Variants in NDFIP1 observed in about 807,000 individuals in gnomAD.
The protein encoded by NDFIP1 is NEDD4 family-interacting protein 1.
Under a neutral mutation model 28.8 loss-of-function variants are expected in NDFIP1, and 7 were observed. The observed-to-expected ratio is 0.24, with a 90% CI of 0.14 to 0.46. NDFIP1 has a LOEUF of 0.46. NDFIP1 is among the 20% of genes least tolerant of loss of function. The probability of loss-of-function intolerance (pLI) is 0.99; values close to 1 mark genes in which losing one functional copy is unlikely to be tolerated. For synonymous variants in NDFIP1, 92 were observed against 101.0 expected (o/e 0.91, Z 0.53); for missense variants, 194 against 269.1 (o/e 0.72, Z 1.95).
chr5:142,149,474 T>C (rs143569944), intron 7 of NDFIP1, among the ~76,000 whole-genome samples: 29 of 145,044 alleles, frequency 2.0e-4, no homozygotes, highest in Non-Finnish European at 1.1e-4. Context: ...ATCTGATCTA[T>C]AATTTAGTAA....
chr5:142,109,175 G>T (rs889292339), intron 1 of NDFIP1, 138 bp downstream of exon 1: 20 of 769,674 alleles, frequency 2.6e-5, no homozygotes, highest in Non-Finnish European at 3.5e-5. Context: ...TGGAGGGGCG[G>T]GTCGGGCCCC....
rs149477556 is a variant in NDFIP1, at chr5:142,140,577, C to T, written c.510C>T (p.Phe170=). The T allele has an allele frequency of 6.6e-4, 1,056 of 1,611,074 alleles. 11 individuals carry two copies. In the Middle Eastern group the frequency reaches 8.7e-3, roughly 13 times the overall value. Residue 170 remains phenylalanine (F), a synonymous_variant, in exon 6 of 8, where the codon TTC becomes TTT. Transcript: ENST00000253814. Reference sequence around the variant, plus strand: ...TTATTTTTTAGTTTTCCACCTATTTCCCTGGATATTTTGATGGTCAGTACT... The same window carrying T: ...TTATTTTTTAGTTTTCCACCTATTTTCCTGGATATTTTGATGGTCAGTACT... ...WILIVRFSTY[F]PGYFDGQYWL... is the part of the protein sequence containing the mutation.
At chr5:142,117,902 CT>C (rs1412674783) in intron 1 of NDFIP1, among the ~76,000 whole-genome samples, 1 of 151,880 alleles carries the variant, frequency 6.6e-6, no homozygotes, top group Non-Finnish European at 1.5e-5. Flanking sequence ...CTTTTTGGAA[CT>C]TTTTTCCCCC....
chr5:142,149,886 A>G (rs1757426936), intron 7 of NDFIP1, among the ~76,000 whole-genome samples: 1 of 152,148 alleles, frequency 6.6e-6, no homozygotes, highest in Admixed American at 6.5e-5. Flanking sequence ...GTTTTCATCT[A>G]TTAAAAGAAA....
chr5:142,137,070 C>CAA (rs56227585), intron 4 of NDFIP1, among the ~76,000 whole-genome samples: 33 of 94,904 alleles, frequency 3.5e-4, no homozygotes, highest in South Asian at 1.1e-3. Context: ...GACTCAGTCT[C>CAA]AAAAAAAAAA....
At chr5:142,142,997 A>G (rs1363447033) in intron 6 of NDFIP1, 1 of 142,634 alleles carries the variant, frequency 7.0e-6, no homozygotes, top group Non-Finnish European at 1.5e-5. Flanking sequence ...ACTTATGAGC[A>G]TTTGTGCCCA....
chr5:142,114,344 A>T (rs769889523), intron 1 of NDFIP1, among the ~76,000 whole-genome samples: 1 of 152,062 alleles, frequency 6.6e-6, no homozygotes. Context: ...TCATGTGCTT[A>T]TTGGCCATTG....
chr5:142,112,295 G>A (rs567013634), intron 1 of NDFIP1, among the ~76,000 whole-genome samples: 4 of 151,888 alleles, frequency 2.6e-5, no homozygotes, highest in Admixed American at 2.6e-4. Flanking sequence ...TGAGGCAGGA[G>A]AATCGCTTGA....
chr5:142,144,473 A>G (rs902571501), intron 6 of NDFIP1, 98 bp from the exon 7 acceptor site: 6 of 870,394 alleles, frequency 6.9e-6, no homozygotes, highest in Non-Finnish European at 1.1e-5. Flanking sequence ...CCTTTAGCAG[A>G]AAAATAACAA....
At chr5:142,127,743 G>A (rs1322909537) in intron 1 of NDFIP1, among the ~76,000 whole-genome samples, 2 of 152,114 alleles carry the variant, frequency 1.3e-5, no homozygotes, top group Non-Finnish European at 2.9e-5. Context: ...ATCACTTGAG[G>A]TCAGGAGTTT....
intron 3 of NDFIP1, among the ~76,000 whole-genome samples, chr5:142,135,249 A>T (rs1272153358): frequency 1.3e-5 from 2 of 152,204 alleles, no homozygotes; most frequent in Admixed American, 6.5e-5. Flanking sequence ...AAGTGCTGGG[A>T]TTACAGGCAT....
chr5:142,114,944 G>A (rs562516336), intron 1 of NDFIP1, among the ~76,000 whole-genome samples: 1 of 152,274 alleles, frequency 6.6e-6, no homozygotes, highest in East Asian at 1.9e-4. Flanking sequence ...TGAAAATAGG[G>A]CAGTGCTTCC....
intron 7 of NDFIP1, among the ~76,000 whole-genome samples, chr5:142,146,785 C>G (rs1372749863): frequency 6.6e-6 from 1 of 152,170 alleles, no homozygotes; most frequent in Non-Finnish European, 1.5e-5. Context: ...TAAGAAATAG[C>G]AGCCCAGTTG....
At chr5:142,125,155 ATG>A (rs1757158587) in intron 1 of NDFIP1, among the ~76,000 whole-genome samples, 1 of 152,092 alleles carries the variant, frequency 6.6e-6, no homozygotes, top group African/African-American at 2.4e-5. Flanking sequence ...ATATTTCAGC[ATG>A]TGTCAGTATC....
chr5:142,126,128 T>C (rs1757168282), intron 1 of NDFIP1, among the ~76,000 whole-genome samples: 1 of 152,218 alleles, frequency 6.6e-6, no homozygotes, highest in Non-Finnish European at 1.5e-5. Context: ...ACAAACTTAA[T>C]GATTATTTCT....
chr5:142,142,935 AAAAAAATATATATATATATAT>A (rs1254158199), intron 6 of NDFIP1: 1 of 73,576 alleles, frequency 1.4e-5, no homozygotes, highest in African/African-American at 4.4e-5. Context: ...AAAAAAAAAA[AAAAAAATATATATATATATAT>A]ATATATATAT....
chr5:142,146,915 CTA>C (rs1757395239), intron 7 of NDFIP1, among the ~76,000 whole-genome samples: 1 of 152,008 alleles, frequency 6.6e-6, no homozygotes, highest in Non-Finnish European at 1.5e-5. Flanking sequence ...AAATTTAAAA[CTA>C]TGTATGTGGG....
intron 7 of NDFIP1, among the ~76,000 whole-genome samples, chr5:142,151,431 G>A (rs370228234): frequency 1.3e-5 from 2 of 152,222 alleles, no homozygotes; most frequent in African/African-American, 2.4e-5. Context: ...TGTGGGATGC[G>A]CAGTAGCACT....
intron 3 of NDFIP1, among the ~76,000 whole-genome samples, chr5:142,134,946 A>C (rs559243800): frequency 2.9e-4 from 44 of 151,746 alleles, no homozygotes; most frequent in Non-Finnish European, 6.0e-4. Flanking sequence ...TTTTTCCCCT[A>C]TATCAGCCTC....
Sources: allele counts gnomAD v4.1 joint callset (sites outside exome capture counted in the v4.1 genomes callset), GRCh38; gene constraint gnomAD v4.1.1; transcripts MANE v1.5; gene names NCBI Gene and HGNC (gene_info 2026-07-23, HGNC 2026-07-21).